EYS: variants seen among roughly 807,000 people sequenced by gnomAD.
The protein encoded by EYS is EGF-like photoreceptor maintenance factor.
Under a neutral mutation model 282.1 loss-of-function variants are expected in EYS, and 250 were observed. The ratio of observed to expected loss-of-function variants is 0.89; its 90% CI spans 0.80 to 0.98. The LOEUF (loss-of-function observed/expected upper bound fraction) is 0.98. Among genes scored for constraint, EYS ranks in the 50% least tolerant of loss-of-function variants. EYS has a pLI of 0.00. For synonymous variants in EYS, 1,355 were observed against 1,282.9 expected, an observed-to-expected ratio of 1.06 and a Z score of -1.20; for missense variants, 4,016 against 3,709.0, an observed-to-expected ratio of 1.08 and a Z score of -2.15.
chr6:64,644,321 T>TG lies in EYS; in HGVS notation c.3444-18077_3444-18076insC, dbSNP rs869029321. Among the ~76,000 whole-genome samples, 4 of 224 alleles carry TG rather than the reference T, an allele frequency of 0.018. No homozygotes were observed. In the East Asian group the frequency reaches 0.5, roughly 28 times the overall value. The allele number at this position is 224 out of a possible 152,430, so 0.1% of individuals were successfully genotyped here. A position where few individuals can be genotyped will look rare whatever the true frequency, so the allele number is the denominator to read the frequency against. Reference sequence around the variant, plus strand: ...ATATGACTTAATTAGGCAGAGTTAATTTTTTTACTTGCAGTTGACAGTATT... The same window carrying TG: ...ATATGACTTAATTAGGCAGAGTTAATGTTTTTTACTTGCAGTTGACAGTATT... On this transcript the variant is annotated intron_variant, in intron 22 of 42. Transcript: ENST00000503581.
intron 1 of EYS, among the ~76,000 whole-genome samples, chr6:65,645,029 G>C (rs1196223180): frequency 6.6e-6 from 1 of 152,094 alleles, no homozygotes; most frequent in African/African-American, 2.4e-5. Context: ...CAAATAGCAT[G>C]ATGAATAGGA....
Position 63,863,674 on chromosome 6 carries a change from TC to T in EYS, c.7228+511del, listed in dbSNP as rs1351766303. ...TTTTCTTTTCTTTTCTTTTCTTTTT[TC>T]TTTTTTTTTTTTTTTTTTGAGATGG... On this transcript the variant is annotated intron_variant, in intron 36 of 42. Transcript: ENST00000503581. Among the ~76,000 whole-genome samples the T allele has an allele frequency of 3.1e-3, 244 of 78,382 alleles. 3 individuals are homozygous for T. The highest frequency in any genetic ancestry group is 8.2e-3 in the African/African-American group (172 of 21,014). 51.4% of individuals were successfully genotyped at this position (78,382 alleles called of 152,430 possible). A position where few individuals can be genotyped will look rare whatever the true frequency, so the allele number is the denominator to read the frequency against.
In EYS at chr6:64,309,652, G is replaced by A. The variant is rs566963673; in HGVS notation, c.6079-2570C>T. On this transcript the variant is annotated intron_variant, in intron 29 of 42. Transcript: ENST00000503581. ...ACACTTTTCCAAAGAAGACAGACAC[G>A]TGGCCAAAAATCATGTAAAAAAACA... is the stretch of plus-strand genomic sequence containing the variant. 2.6e-4 allele frequency among the ~76,000 whole-genome samples: 40 copies of A among 151,800 alleles called. 1 individual carries two copies. Among genetic ancestry groups the A allele is most frequent in the Non-Finnish European group, 4.6e-4 (31 of 67,922 alleles).
At position 65,287,930 on chromosome 6, in the gene EYS, T is replaced by C. The variant is rs537578565; in HGVS notation, c.2023+7933A>G. 2.6e-5 allele frequency among the ~76,000 whole-genome samples: 4 copies of C among 151,262 alleles called. No individual in the cohort carries two copies. In the South Asian group the frequency reaches 8.3e-4, roughly 31 times the overall value. On this transcript the variant is annotated intron_variant, in intron 12 of 42. Transcript: ENST00000503581. The stretch of plus-strand genomic sequence containing the variant: ...ATATTCTATTTGGTTAGATTAGCCT[T>C]CGGTACACTCAAAGTCCAGGGATCA...
chr6:64,575,006 AAGAG>A (rs1765835812), intron 26 of EYS, among the ~76,000 whole-genome samples: 1 of 152,168 alleles, frequency 6.6e-6, no homozygotes, highest in Non-Finnish European at 1.5e-5. Context: ...GTATCAAAAG[AAGAG>A]AGAAAGTACA....
intron 2 of EYS, among the ~76,000 whole-genome samples, chr6:65,552,508 A>C (rs1467624690): frequency 6.6e-6 from 1 of 152,066 alleles, no homozygotes; most frequent in Non-Finnish European, 1.5e-5. Context: ...TTTTTTTTTC[A>C]AATATTGCAC....
intron 12 of EYS, among the ~76,000 whole-genome samples, chr6:65,250,757 T>C (rs189453805): frequency 6.6e-6 from 1 of 151,690 alleles, no homozygotes; most frequent in East Asian, 1.9e-4. Context: ...AAATAAGAGA[T>C]AGATATTTTA....
intron 36 of EYS, among the ~76,000 whole-genome samples, chr6:63,816,483 G>T (rs931046099): frequency 2.0e-5 from 3 of 152,192 alleles, no homozygotes; most frequent in African/African-American, 7.2e-5. Context: ...TTACCTCATG[G>T]TCAGTGGGAG....
intron 2 of EYS, among the ~76,000 whole-genome samples, chr6:65,526,698 C>G (rs207467073): frequency 2.6e-5 from 4 of 152,122 alleles, no homozygotes; most frequent in Non-Finnish European, 5.9e-5. Context: ...CCCAGCTACT[C>G]AGAAGGCTGA....
At chr6:64,568,292 CA>C (rs1192992475) in intron 26 of EYS, among the ~76,000 whole-genome samples, 1 of 151,954 alleles carries the variant, frequency 6.6e-6, no homozygotes, top group African/African-American at 2.4e-5. Flanking sequence ...CCATGATGGA[CA>C]AGAAGGCCTA....
At chr6:64,249,804 T>A (rs756655243) in intron 30 of EYS, among the ~76,000 whole-genome samples, 1 of 152,174 alleles carries the variant, frequency 6.6e-6, no homozygotes, top group Non-Finnish European at 1.5e-5. Flanking sequence ...AAGGAATAAA[T>A]CCTCTGATCT....
chr6:65,134,316 T>A (rs560773698), intron 12 of EYS, among the ~76,000 whole-genome samples: 1 of 152,098 alleles, frequency 6.6e-6, no homozygotes, highest in Non-Finnish European at 1.5e-5. Context: ...TGCAGCTCTA[T>A]TCATAATAGC....
At chr6:65,145,468 A>T (rs986279036) in intron 12 of EYS, among the ~76,000 whole-genome samples, 3 of 151,942 alleles carry the variant, frequency 2.0e-5, no homozygotes, top group Admixed American at 2.0e-4. Context: ...ACAATGAAAG[A>T]TGCATTATTG....
chr6:63,823,762 A>T (rs1424836678), intron 36 of EYS, among the ~76,000 whole-genome samples: 8 of 151,898 alleles, frequency 5.3e-5, no homozygotes, highest in African/African-American at 1.7e-4. Flanking sequence ...GGTACTTCTT[A>T]TATTTTTATC....
chr6:65,476,653 T>A (rs1308144277), intron 5 of EYS, among the ~76,000 whole-genome samples: 1 of 152,102 alleles, frequency 6.6e-6, no homozygotes, highest in Non-Finnish European at 1.5e-5. Context: ...CTCAGCTCAC[T>A]GCAACCTCCA....
At chr6:65,491,598 A>C in intron 4 of EYS, 1 of 422,770 alleles carries the variant, frequency 2.4e-6, no homozygotes, top group South Asian at 1.8e-5. Flanking sequence ...CCCTAAATGT[A>C]ATGAAAATAT....
chr6:63,983,637 G>A (rs576591179), intron 35 of EYS, among the ~76,000 whole-genome samples: 1 of 151,656 alleles, frequency 6.6e-6, no homozygotes, highest in Non-Finnish European at 1.5e-5. Context: ...AATATTTCCT[G>A]TGCAATTTGG....
rs558456872 is a variant in EYS, at chr6:65,036,517, A to G, written c.2137+21097T>C. Among the ~76,000 whole-genome samples, 8 of 151,954 alleles carry G rather than the reference A, an allele frequency of 5.3e-5. 1 individual carries two copies. Among genetic ancestry groups the G allele is most frequent in the African/African-American group, 1.9e-4 (8 of 41,516 alleles). On this transcript the variant is annotated intron_variant, in intron 13 of 42. Coordinates refer to ENST00000503581, the MANE Select transcript of EYS (RefSeq NM_001142800.2). ...TTAAAGAGGAAACTTTCAACCAGAT[A>G]AACAGATACCCTAAAAAACGGGAGT...
At chr6:65,330,676 AT>A (rs1386084881) in intron 11 of EYS, 1 of 939,982 alleles carries the variant, frequency 1.1e-6, no homozygotes, top group Non-Finnish European at 1.3e-6. Context: ...CATCATCAAC[AT>A]TATTAGTGTC....
Sources: gnomAD v4.1 joint callset for allele counts (sites outside exome capture counted in the v4.1 genomes callset) on GRCh38, gnomAD v4.1.1 for gene constraint, MANE v1.5 for transcripts, NCBI Gene and HGNC (gene_info 2026-07-23, HGNC 2026-07-21) for gene names.